HIVEP3: variants seen among roughly 807,000 people sequenced by gnomAD.
The protein encoded by HIVEP3 is HIVEP zinc finger 3, also known as transcription factor HIVEP3.
HIVEP3 carries 49 observed loss-of-function variants against 152.8 expected under a neutral mutation model. The observed-to-expected ratio is 0.32, with a 90% CI of 0.26 to 0.41. The LOEUF is 0.41. HIVEP3 is among the 10% of genes least tolerant of loss of function. The probability of loss-of-function intolerance (pLI) is 1.00; values close to 1 mark genes in which losing one functional copy is unlikely to be tolerated. For missense variants in HIVEP3, 2,790 were observed against 3,103.3 expected (o/e 0.90, Z 2.40); for synonymous variants, 1,269 against 1,289.0 (o/e 0.98, Z 0.33).
intron 3 of HIVEP3, among the ~76,000 whole-genome samples, chr1:41,618,222 G>C (rs1007660664): frequency 6.6e-6 from 1 of 152,212 alleles, no homozygotes; most frequent in Admixed American, 6.5e-5. Flanking sequence ...GAGCCACCAG[G>C]CTTGCCACTC....
At position 41,565,553 on chromosome 1, in the gene HIVEP3, C is replaced by G. The variant is rs1977246; in HGVS notation, c.5207+9991G>C. On this transcript the variant is annotated intron_variant, in intron 5 of 8. Transcript: ENST00000372583. ...ACACACACACACACACACACACACA[C>G]ACAGAGAGAGAGAGAGGGCAAGCGA... 1.7e-3 allele frequency among the ~76,000 whole-genome samples: 215 copies of G among 123,044 alleles called. 1 individual carries two copies. The highest frequency in any genetic ancestry group is 3.9e-3 in the Middle Eastern group (1 of 254). The allele number at this position is 123,044 out of a possible 152,430, so 80.7% of individuals were successfully genotyped here. A position where few individuals can be genotyped will look rare whatever the true frequency, so the allele number is the denominator to read the frequency against.
chr1:41,977,691 G>A lies in HIVEP3; in HGVS notation n.119+58116C>T, dbSNP rs141052447. On this transcript the variant is annotated intron_variant and non_coding_transcript_variant, in intron 1 of 3. Coordinates refer to the HIVEP3 transcript ENST00000489103. ...AGCTGCAACATACAAGGACAGTGCT[G>A]TGAGAGGACCAGATGCTGTGAGACC... Among the ~76,000 whole-genome samples, 339 of 152,348 alleles carry A rather than the reference G, an allele frequency of 2.2e-3. 1 individual carries two copies. Among genetic ancestry groups the A allele is most frequent in the African/African-American group, 7.8e-3 (325 of 41,578 alleles).
In HIVEP3 at chr1:41,545,738, CACCATCACCACTGCCACCACCACCACT is replaced by C. The variant is rs1260978241; in HGVS notation, c.5208-20855_5208-20829del. On this transcript the variant is annotated intron_variant, in intron 5 of 8. Transcript: ENST00000372583. ...CCACCACCAATACCACTACCATCACCACCATCACCACTGCCACCACCACCACTACCATCACCACCACCACCACCACCA... is the reference window on the plus strand; with the variant it reads ...CCACCACCAATACCACTACCATCACCACCATCACCACCACCACCACCACCA... 3.4e-5 allele frequency among the ~76,000 whole-genome samples: 5 copies of C among 148,802 alleles called. No individual in the cohort carries two copies. The South Asian group carries it at 8.8e-4, about 26-fold the overall frequency.
At chr1:41,625,549 C>T (rs182725859) in intron 3 of HIVEP3, among the ~76,000 whole-genome samples, 10 of 152,158 alleles carry the variant, frequency 6.6e-5, no homozygotes, top group African/African-American at 2.2e-4. Flanking sequence ...ATAAATATAA[C>T]GTTCATAATA....
chr1:41,925,006 A>G (rs925244978), intron 1 of HIVEP3, among the ~76,000 whole-genome samples: 3 of 152,206 alleles, frequency 2.0e-5, no homozygotes, highest in Non-Finnish European at 4.4e-5. Flanking sequence ...CTTGTGCATC[A>G]TAAGATGTGA....
chr1:41,699,826 G>A (rs913520384), intron 2 of HIVEP3, among the ~76,000 whole-genome samples: 1 of 143,216 alleles, frequency 7.0e-6, no homozygotes, highest in Admixed American at 6.9e-5. Context: ...CCCACACCCC[G>A]GTAGGGGCCT....
rs544967384 is a variant in HIVEP3 at position 41,568,962 on chromosome 1, G to A, written c.5207+6582C>T. ...AACACCATCCCCTCTTCATACTGTC[G>A]TCACTATAGTGAGTTCTGAGATCTG... On this transcript the variant is annotated intron_variant, in intron 5 of 8. Coordinates refer to ENST00000372583, the MANE Select transcript of HIVEP3 (RefSeq NM_024503.5). 1.8e-4 allele frequency among the ~76,000 whole-genome samples: 28 copies of A among 152,206 alleles called. No homozygotes were observed. In the East Asian group the frequency reaches 3.3e-3, roughly 18 times the overall value.
At position 41,580,170 on chromosome 1, in the gene HIVEP3, C is replaced by T. The variant is rs575522156; in HGVS notation, c.4628G>A (p.Arg1543Gln). 26 of 1,612,656 alleles carry T rather than the reference C, an allele frequency of 1.6e-5. No individual in the cohort carries two copies. The highest frequency in any genetic ancestry group is 1.0e-4 in the Admixed American group (6 of 59,926). Residue 1543 changes from arginine to glutamine, a missense_variant, in exon 4 of 9, where the codon CGA becomes CAA. Physicochemically the swap from Arg to Gln is conservative, Grantham distance 43 (BLOSUM62 1). This residue lies in a region of HIVEP3 where 1,078 missense variants were observed against 1,165.3 expected (regional missense o/e 0.93). Transcript: ENST00000372583. Reference sequence around the variant, plus strand: ...CACGCTCAGTGGGGTCAACCCTCTTCGGTGAGGTTTGCCAGATGGCTGGGG... The same window carrying T: ...CACGCTCAGTGGGGTCAACCCTCTTTGGTGAGGTTTGCCAGATGGCTGGGG... The part of the protein sequence containing the change: ...EYPQPSGKPH[R>Q]RGLTPLSVKK...
chr1:41,553,821 G>C (rs1643925520), intron 5 of HIVEP3, among the ~76,000 whole-genome samples: 1 of 152,162 alleles, frequency 6.6e-6, no homozygotes, highest in Admixed American at 6.5e-5. Flanking sequence ...TTGAATATTG[G>C]CCCCCACTCT....
intron 1 of HIVEP3, among the ~76,000 whole-genome samples, chr1:42,014,877 C>A (rs1645513027): frequency 6.6e-6 from 1 of 152,176 alleles, no homozygotes; most frequent in Admixed American, 6.5e-5. Flanking sequence ...ACTCTGAGTG[C>A]ATTCCAGGCT....
intron 5 of HIVEP3, among the ~76,000 whole-genome samples, chr1:41,545,734 TCAC>T (rs1643782290): frequency 1.7e-4 from 8 of 47,774 alleles, no homozygotes; most frequent in Non-Finnish European, 4.5e-5. Context: ...ACCACTACCA[TCAC>T]CACCATCACC....
intron 2 of HIVEP3, among the ~76,000 whole-genome samples, chr1:41,676,060 C>CTT (rs564390010): frequency 2.0e-5 from 3 of 147,290 alleles, no homozygotes; most frequent in African/African-American, 7.4e-5. Context: ...TCTTTTCTTT[C>CTT]TTTTTTTTTT....
At chr1:41,761,083 C>T (rs1053520016) in intron 1 of HIVEP3, among the ~76,000 whole-genome samples, 2 of 152,224 alleles carry the variant, frequency 1.3e-5, no homozygotes, top group African/African-American at 4.8e-5. Flanking sequence ...GACTACAGGG[C>T]AGAGAGATTA....
chr1:41,814,898 C>T (rs572274892), intron 1 of HIVEP3, among the ~76,000 whole-genome samples: 15 of 152,278 alleles, frequency 9.9e-5, no homozygotes, highest in Admixed American at 2.6e-4. Flanking sequence ...AAGGCATACA[C>T]GTTATATGCA....
At chr1:42,015,016 C>T (rs1272272177) in intron 1 of HIVEP3, among the ~76,000 whole-genome samples, 5 of 152,086 alleles carry the variant, frequency 3.3e-5, no homozygotes, top group East Asian at 1.9e-4. Flanking sequence ...TCCAGAGGTC[C>T]GTGCTGCTGG....
chr1:41,670,425 C>G (rs1042604000), intron 2 of HIVEP3, among the ~76,000 whole-genome samples: 1 of 152,170 alleles, frequency 6.6e-6, no homozygotes, highest in Non-Finnish European at 1.5e-5. Context: ...CTCCATCCCC[C>G]CTGAATTCAT....
chr1:41,545,989 G>A (rs1643795029), intron 5 of HIVEP3, among the ~76,000 whole-genome samples: 1 of 152,260 alleles, frequency 6.6e-6, no homozygotes, highest in South Asian at 2.1e-4. Flanking sequence ...AAAGGACACA[G>A]GCTTTGAAGC....
chr1:41,829,563 C>T (rs1306180687), intron 1 of HIVEP3, among the ~76,000 whole-genome samples: 3 of 151,346 alleles, frequency 2.0e-5, no homozygotes, highest in African/African-American at 7.3e-5. Context: ...GGAATGTAAC[C>T]CCAACATATA....
At chr1:41,888,668 C>T (rs1644391744) in intron 1 of HIVEP3, among the ~76,000 whole-genome samples, 1 of 151,642 alleles carries the variant, frequency 6.6e-6, no homozygotes, top group African/African-American at 2.4e-5. Context: ...TCAGTTATCA[C>T]ATACCTCATG....
Sources: gnomAD v4.1 joint callset for allele counts (sites outside exome capture counted in the v4.1 genomes callset) on GRCh38, gnomAD v4.1.1 for gene constraint, gnomAD v4.1.1 regional missense constraint, MANE v1.5 for transcripts, NCBI Gene and HGNC (gene_info 2026-07-23, HGNC 2026-07-21) for gene names.